RAP1A: variants seen among roughly 807,000 people sequenced by gnomAD.
RAP1A encodes the protein ras-related protein Rap-1A.
Under a neutral mutation model 26.4 loss-of-function variants are expected in RAP1A, and 6 were observed. The observed-to-expected ratio is 0.23, with a 90% CI of 0.12 to 0.45. The LOEUF is 0.45. RAP1A is among the 20% of genes least tolerant of loss of function. The pLI is 0.99. For synonymous variants in RAP1A, 73 were observed against 79.4 expected, an observed-to-expected ratio of 0.92 and a Z score of 0.43; for missense variants, 121 against 217.2, an observed-to-expected ratio of 0.56 and a Z score of 2.78.
At chr1:111,659,432 A>G (rs565698398) in intron 1 of RAP1A, among the ~76,000 whole-genome samples, 1 of 152,030 alleles carries the variant, frequency 6.6e-6, no homozygotes, top group Non-Finnish European at 1.5e-5. Flanking sequence ...GGGGGGGTCT[A>G]CTGTATTTAT....
chr1:111,546,792 T>C (rs1259871373), intron 1 of RAP1A, among the ~76,000 whole-genome samples: 1 of 152,186 alleles, frequency 6.6e-6, no homozygotes, highest in Non-Finnish European at 1.5e-5. Flanking sequence ...TACCCAGAAA[T>C]AGAATTGCTG....
intron 1 of RAP1A, among the ~76,000 whole-genome samples, chr1:111,627,751 T>A (rs1407522808): frequency 1.1e-4 from 17 of 152,018 alleles, no homozygotes; most frequent in Non-Finnish European, 2.5e-4. Context: ...AAAAAAAAAA[T>A]TACTGATTAA....
chr1:111,660,200 T>C (rs1660586660), intron 1 of RAP1A, among the ~76,000 whole-genome samples: 1 of 152,226 alleles, frequency 6.6e-6, no homozygotes, highest in Non-Finnish European at 1.5e-5. Context: ...TGGTGGTTTT[T>C]TCTGGGAACA....
chr1:111,683,191 C>T (rs1661360852), intron 1 of RAP1A, among the ~76,000 whole-genome samples: 1 of 152,178 alleles, frequency 6.6e-6, no homozygotes, highest in South Asian at 2.1e-4. Flanking sequence ...AAATTTATAG[C>T]ACTACATGCC....
At chr1:111,575,525 A>G (rs1359120337) in intron 1 of RAP1A, among the ~76,000 whole-genome samples, 1 of 152,174 alleles carries the variant, frequency 6.6e-6, no homozygotes, top group Non-Finnish European at 1.5e-5. Context: ...TAGCCACTTC[A>G]TAGTTGTTAT....
At chr1:111,644,043 A>G (rs374828857) in intron 1 of RAP1A, among the ~76,000 whole-genome samples, 1 of 152,186 alleles carries the variant, frequency 6.6e-6, no homozygotes, top group South Asian at 2.1e-4. Context: ...CACATTATTG[A>G]CGATAATCTC....
chr1:111,611,171 G>C (rs1658921361), intron 1 of RAP1A, among the ~76,000 whole-genome samples: 1 of 152,140 alleles, frequency 6.6e-6, no homozygotes. Flanking sequence ...TCCCATTCTA[G>C]AGCTGTCATT....
chr1:111,660,481 C>G (rs1360818504), intron 1 of RAP1A, among the ~76,000 whole-genome samples: 1 of 151,924 alleles, frequency 6.6e-6, no homozygotes, highest in Non-Finnish European at 1.5e-5. Flanking sequence ...TTTTTTCTCC[C>G]AACTTGTCTC....
chr1:111,555,141 G>T (rs1335387924), intron 1 of RAP1A, among the ~76,000 whole-genome samples: 1 of 151,990 alleles, frequency 6.6e-6, no homozygotes, highest in Non-Finnish European at 1.5e-5. Flanking sequence ...AGAGGCAAGA[G>T]GATCAGTTGA....
chr1:111,661,097 G>T (rs896814450), intron 1 of RAP1A, among the ~76,000 whole-genome samples: 2 of 152,252 alleles, frequency 1.3e-5, no homozygotes, highest in Non-Finnish European at 2.9e-5. Flanking sequence ...GTTGGCTGGA[G>T]TGTTGAGAAT....
rs762478331 is a variant in RAP1A at position 111,655,338 on chromosome 1, G to A, written c.-28+35404G>A. ...AAGCAAACAATATCTGAGGGAAAAC[G>A]GGATAATCAAAAAAAGTGGCTATTC... is the stretch of plus-strand genomic sequence containing the variant. On this transcript the variant is annotated intron_variant, in intron 1 of 7. Transcript: ENST00000369709. Among the ~76,000 whole-genome samples, 8 of 150,604 alleles carry A rather than the reference G, an allele frequency of 5.3e-5. No homozygotes were observed. In the South Asian group the frequency reaches 6.3e-4, roughly 12 times the overall value.
At chr1:111,592,103 C>G (rs998358979) in intron 1 of RAP1A, among the ~76,000 whole-genome samples, 3 of 152,196 alleles carry the variant, frequency 2.0e-5, no homozygotes, top group Non-Finnish European at 4.4e-5. Flanking sequence ...TCCCTGCATG[C>G]TAATCCTGCT....
intron 1 of RAP1A, among the ~76,000 whole-genome samples, chr1:111,588,228 G>C (rs1187428399): frequency 6.6e-6 from 1 of 152,116 alleles, no homozygotes; most frequent in African/African-American, 2.4e-5. Context: ...TAGGCTTTTA[G>C]AGCCTGTAAG....
In RAP1A at chr1:111,715,073, C is replaced by T. The variant is rs1662494666; in HGVS notation, c.*2672C>T. On this transcript the variant is annotated 3_prime_UTR_variant, in exon 8 of 8. Transcript: ENST00000369709. ...TACCCTCCACCAGGGGGAGCTTCAA[C>T]ATCGGTTAATACTTTTTTTTTTTTT... 1 of 150,466 alleles carries T rather than the reference C, an allele frequency of 6.6e-6. No homozygotes were observed. The highest frequency in any genetic ancestry group is 2.4e-5 in the African/African-American group (1 of 41,102). The allele number at this position is 150,466 out of a possible 1,614,324, so 9.3% of individuals were successfully genotyped here.
At chr1:111,564,360 G>A (rs943333044) in intron 1 of RAP1A, among the ~76,000 whole-genome samples, 15 of 152,052 alleles carry the variant, frequency 9.9e-5, no homozygotes, top group Non-Finnish European at 2.1e-4. Context: ...TCTAAGTTGG[G>A]AGTATAGGCC....
chr1:111,607,734 A>C, intron 1 of RAP1A, among the ~76,000 whole-genome samples: 1 of 129,332 alleles, frequency 7.7e-6, no homozygotes. Context: ...CTGGCCGGGC[A>C]GAGGGGCTCC....
At chr1:111,625,832 G>C in intron 1 of RAP1A, among the ~76,000 whole-genome samples, 1 of 149,990 alleles carries the variant, frequency 6.7e-6, no homozygotes, top group East Asian at 1.9e-4. Flanking sequence ...TTCTTTCACA[G>C]AGTCTTGCTA....
upstream of RAP1A, chr1:111,619,664 G>A: frequency 2.6e-6 from 1 of 391,140 alleles, no homozygotes; most frequent in Non-Finnish European, 4.5e-6. Context: ...GCTCCTTTAA[G>A]CGGACTCCGG....
intron 3 of RAP1A, among the ~76,000 whole-genome samples, chr1:111,695,908 G>A (rs1482227164): frequency 6.6e-6 from 1 of 152,158 alleles, no homozygotes; most frequent in Non-Finnish European, 1.5e-5. Context: ...AAATCCTAAT[G>A]TAAACTGTGG....
Sources: gnomAD v4.1 joint callset for allele counts (sites outside exome capture counted in the v4.1 genomes callset) on GRCh38, gnomAD v4.1.1 for gene constraint, MANE v1.5 for transcripts, NCBI Gene and HGNC (gene_info 2026-07-23, HGNC 2026-07-21) for gene names.